Variants in LINGO2 observed in about 807,000 individuals in gnomAD.
LINGO2 encodes leucine-rich repeat and immunoglobulin-like domain-containing nogo receptor-interacting protein 2.
A neutral mutation model predicts 30.6 loss-of-function variants in LINGO2; 14 were observed. That is an observed-to-expected ratio of 0.46 (90% confidence interval 0.30 to 0.72). The LOEUF is 0.72. Among genes scored for constraint, LINGO2 ranks in the 30% least tolerant of loss-of-function variants. LINGO2 has a pLI of 0.07. For synonymous variants in LINGO2, 317 were observed against 288.5 expected (o/e 1.10, Z -1.00); for missense variants, 729 against 751.7 (o/e 0.97, Z 0.35).
chr9:28,145,067 C>T (rs569283238), intron 4 of LINGO2, among the ~76,000 whole-genome samples: 4 of 152,314 alleles, frequency 2.6e-5, no homozygotes, highest in African/African-American at 9.6e-5. Flanking sequence ...CTAAGCAGAG[C>T]AAAATGTCAC....
the LINGO2 span, among the ~76,000 whole-genome samples, chr9:29,144,152 G>A: frequency 1.3e-5 from 2 of 152,152 alleles, no homozygotes; most frequent in African/African-American, 4.8e-5. Context: ...CCAGTACCGT[G>A]CTGTTTCGGT....
At chr9:28,271,512 T>C (rs951713740) in intron 4 of LINGO2, among the ~76,000 whole-genome samples, 1 of 152,152 alleles carries the variant, frequency 6.6e-6, no homozygotes, top group African/African-American at 2.4e-5. Flanking sequence ...AATTTGTAAA[T>C]GGCACATGAT....
At chr9:27,991,241 C>A (rs1439865772) in intron 5 of LINGO2, among the ~76,000 whole-genome samples, 1 of 151,998 alleles carries the variant, frequency 6.6e-6, no homozygotes, top group African/African-American at 2.4e-5. Flanking sequence ...ACAACAACAA[C>A]AACAAAGGAT....
chr9:28,382,034 T>G (rs761393449), intron 2 of LINGO2, among the ~76,000 whole-genome samples: 2 of 152,118 alleles, frequency 1.3e-5, no homozygotes, highest in Non-Finnish European at 2.9e-5. Context: ...CCAGCACTAC[T>G]ACTTATTAAC....
the LINGO2 span, among the ~76,000 whole-genome samples, chr9:28,870,158 A>G: frequency 6.6e-6 from 1 of 152,100 alleles, no homozygotes; most frequent in East Asian, 1.9e-4. Flanking sequence ...CATTTTCTCT[A>G]AACCATACCT....
chr9:28,400,797 C>A (rs374259340), intron 2 of LINGO2, among the ~76,000 whole-genome samples: 6 of 151,948 alleles, frequency 3.9e-5, no homozygotes, highest in Non-Finnish European at 1.5e-5. Context: ...GAGAACAACA[C>A]GAGTAAGGTA....
intron 1 of LINGO2, among the ~76,000 whole-genome samples, chr9:28,575,585 T>A (rs1823933059): frequency 6.6e-6 from 1 of 151,952 alleles, no homozygotes; most frequent in South Asian, 2.1e-4. Flanking sequence ...AACTAACTTT[T>A]GTATACTATG....
At chr9:28,314,107 T>G (rs1238686687) in intron 3 of LINGO2, among the ~76,000 whole-genome samples, 3 of 152,050 alleles carry the variant, frequency 2.0e-5, no homozygotes, top group South Asian at 4.1e-4. Flanking sequence ...GCTAATTTTT[T>G]GTATTTTTAC....
At chr9:28,743,388 T>C in the LINGO2 span, among the ~76,000 whole-genome samples, 1 of 151,638 alleles carries the variant, frequency 6.6e-6, no homozygotes. Flanking sequence ...CCTGTGTCCA[T>C]GTGTTCTCAT....
At chr9:28,125,830 C>A (rs1386986448) in intron 4 of LINGO2, among the ~76,000 whole-genome samples, 1 of 152,188 alleles carries the variant, frequency 6.6e-6, no homozygotes, top group East Asian at 1.9e-4. Context: ...AGAACAGCTA[C>A]TTTCAAATCC....
the LINGO2 span, among the ~76,000 whole-genome samples, chr9:29,208,125 T>C: frequency 6.6e-6 from 1 of 152,006 alleles, no homozygotes; most frequent in African/African-American, 2.4e-5. Flanking sequence ...AACAAAATAT[T>C]CCACAAGCTA....
chr9:29,199,388 C>CA, the LINGO2 span, among the ~76,000 whole-genome samples: 31 of 151,142 alleles, frequency 2.1e-4, no homozygotes, highest in Admixed American at 9.9e-4. Flanking sequence ...GAAGATAAAA[C>CA]AAAAAAAAAT....
At chr9:27,948,970 G>T (rs559941018) in exon 6 of LINGO2, 2 of 1,613,678 alleles carry the variant, frequency 1.2e-6, no homozygotes, top group East Asian at 2.2e-5. Context: ...CCTTTCCCTC[G>T]GCTCCACACA....
At chr9:29,154,449 CAAAAA>C in the LINGO2 span, among the ~76,000 whole-genome samples, 2 of 95,528 alleles carry the variant, frequency 2.1e-5, no homozygotes, top group South Asian at 3.8e-4. Context: ...GACTCCGTCT[CAAAAA>C]AAAAAAAAAA....
chr9:28,384,827 A>T (rs932286774), intron 2 of LINGO2, among the ~76,000 whole-genome samples: 17 of 100,392 alleles, frequency 1.7e-4, no homozygotes, highest in Non-Finnish European at 2.8e-4. Context: ...TTTGTGTGAT[A>T]AAAAAAAAAA....
the LINGO2 span, among the ~76,000 whole-genome samples, chr9:29,115,218 T>C: frequency 2.6e-5 from 4 of 152,194 alleles, no homozygotes; most frequent in South Asian, 8.3e-4. Context: ...AAAAATATTA[T>C]CTAACTTGCT....
chr9:28,081,841 A>C (rs992466627), intron 4 of LINGO2, among the ~76,000 whole-genome samples: 1 of 152,164 alleles, frequency 6.6e-6, no homozygotes, highest in Non-Finnish European at 1.5e-5. Flanking sequence ...TTTTTTTTCT[A>C]AAGTAAATGG....
chr9:28,640,820 T>C (rs1827539139), intron 1 of LINGO2, among the ~76,000 whole-genome samples: 1 of 152,176 alleles, frequency 6.6e-6, no homozygotes, highest in Non-Finnish European at 1.5e-5. Context: ...CCTTCTTCTC[T>C]CAACTCGTCA....
chr9:28,282,482 A>T (rs951937807), intron 4 of LINGO2, among the ~76,000 whole-genome samples: 1 of 151,872 alleles, frequency 6.6e-6, no homozygotes, highest in African/African-American at 2.4e-5. Flanking sequence ...CTATTTGATG[A>T]AAGATCAGAT....
Sources: gnomAD v4.1 joint callset for allele counts (sites outside exome capture counted in the v4.1 genomes callset) on GRCh38, gnomAD v4.1.1 for gene constraint, MANE v1.5 for transcripts, NCBI Gene and HGNC (gene_info 2026-07-23, HGNC 2026-07-21) for gene names.